LYRM9: variants seen among roughly 807,000 people sequenced by gnomAD.
LYRM9 encodes LYR motif-containing protein 9.
Under a neutral mutation model 12.6 loss-of-function variants are expected in LYRM9, and 14 were observed. The observed-to-expected ratio is 1.11, with a 90% CI of 0.73 to 1.73. The LOEUF (loss-of-function observed/expected upper bound fraction) is 1.73. LYRM9 is among the 40% of genes most tolerant of loss of function. The probability of loss-of-function intolerance (pLI) is 0.00; values close to 1 mark genes in which losing one functional copy is unlikely to be tolerated. For missense variants in LYRM9, 94 were observed against 95.0 expected (o/e 0.99, Z 0.04); for synonymous variants, 42 against 35.1 (o/e 1.20, Z -0.69).
rs1453221531 is a variant in LYRM9, at chr17:27,886,847, TGTTG to T, written c.-18-4139_-18-4136del. On this transcript the variant is annotated intron_variant, in intron 1 of 3. Coordinates refer to ENST00000379102, the MANE Select transcript of LYRM9 (RefSeq NM_001076680.3). This position sits in a 1 kb window ranked among gnomAD's most constrained non-coding sequence, Gnocchi z 4.8. The stretch of plus-strand genomic sequence containing the variant: ...TTTTAGTAGAGATGGGGTTTCTCCC[TGTTG>T]GTCAGGCTGGTCTCAAACTCCCGAC... Among the ~76,000 whole-genome samples the T allele has an allele frequency of 6.6e-6, 1 of 151,952 alleles. No individual in the cohort carries two copies. Among genetic ancestry groups the T allele is most frequent in the Admixed American group, 6.6e-5 (1 of 15,238 alleles).
chr17:27,882,955 T>C (rs1170917672), intron 1 of LYRM9: 1 of 596,400 alleles, frequency 1.7e-6, no homozygotes, highest in African/African-American at 1.8e-5. Flanking sequence ...ATCCCTGGCG[T>C]CTTCTTTCTG....
In LYRM9 at chr17:27,882,577, C is replaced by G. The variant is rs767095145; in HGVS notation, c.118G>C (p.Val40Leu). ...GTAGAGCCAGCTCGCACCTGCCTGA[C>G]AGCATGCTTGTAATGCTGCTGGATG... ...KGIQQHYKHA[V>L]RQSFRVHSDE... Residue 40 changes from valine (V) to leucine (L), a missense_variant, in exon 2 of 4, where the codon GTC becomes CTC. Val to Leu is a conservative substitution (Grantham distance 32). Transcript: ENST00000379102. 110 of 1,591,100 alleles carry G rather than the reference C, an allele frequency of 6.9e-5. 1 individual carries two copies. The highest frequency in any genetic ancestry group is 9.1e-5 in the Non-Finnish European group (106 of 1,169,844).
intron 1 of LYRM9, among the ~76,000 whole-genome samples, chr17:27,887,713 G>GGGGT (rs1485417792): frequency 0.014 from 1,198 of 86,810 alleles, 11 homozygotes; most frequent in Non-Finnish European, 0.016. Flanking sequence ...TAGGAGGGAG[G>GGGGT]GTGTGTGTGT....
At chr17:27,892,311 T>C in intron 1 of LYRM9, 1 of 422,452 alleles carries the variant, frequency 2.4e-6, no homozygotes, top group South Asian at 1.7e-5. Context: ...GAAACTATAC[T>C]GTATTAGTTC....
chr17:27,880,853 C>T (rs1905027574), intron 2 of LYRM9: 4 of 163,192 alleles, frequency 2.5e-5, no homozygotes, highest in Admixed American at 2.4e-4. Flanking sequence ...TCAGGAAATC[C>T]ACCCAGGCCC....
chr17:27,890,453 A>G (rs946365171), intron 1 of LYRM9, among the ~76,000 whole-genome samples: 3 of 152,238 alleles, frequency 2.0e-5, no homozygotes, highest in Non-Finnish European at 4.4e-5. Context: ...AGATAAAGGA[A>G]AGGAGCAACT....
chr17:27,889,311 CT>C (rs537456506), intron 1 of LYRM9, among the ~76,000 whole-genome samples: 266 of 144,230 alleles, frequency 1.8e-3, no homozygotes, highest in Non-Finnish European at 1.9e-3. Context: ...TTTCTTTTTT[CT>C]TTTTTTTTTT....
chr17:27,879,350 T>C lies in LYRM9; in HGVS notation c.*123A>G. The C allele has an allele frequency of 1.8e-6, 2 of 1,090,778 alleles. No homozygotes were observed. The highest frequency in any genetic ancestry group is 3.1e-4 in the Middle Eastern group (1 of 3,240). The allele number at this position is 1,090,778 out of a possible 1,614,324, so 67.6% of individuals were successfully genotyped here. ...GAGCCTCTGGAGCAAGGTCAGCTTC[T>C]CCCCTGATTTCTGGCTTTCAGCCAA... On this transcript the variant is annotated 3_prime_UTR_variant, in exon 4 of 4. Coordinates refer to ENST00000379102, the MANE Select transcript of LYRM9 (RefSeq NM_001076680.3).
Position 27,886,072 on chromosome 17 carries a change from T to C in LYRM9, c.-18-3360A>G, listed in dbSNP as rs1213221619. Among the ~76,000 whole-genome samples, 1 of 151,946 alleles carries C rather than the reference T, an allele frequency of 6.6e-6. No individual in the cohort carries two copies. The highest frequency in any genetic ancestry group is 1.5e-5 in the Non-Finnish European group (1 of 67,986). On this transcript the variant is annotated intron_variant, in intron 1 of 3. Transcript: ENST00000379102. The surrounding 1 kb of genome is among the most constrained non-coding windows in gnomAD (Gnocchi z 4.8). Reference sequence around the variant, plus strand: ...AACCACAGGAGACATACCACCAAAGTCCCAAACCTGATGGGTAGACTCCAC... The same window carrying C: ...AACCACAGGAGACATACCACCAAAGCCCCAAACCTGATGGGTAGACTCCAC...
At chr17:27,891,487 C>T (rs1404476298) in intron 1 of LYRM9, among the ~76,000 whole-genome samples, 1 of 152,176 alleles carries the variant, frequency 6.6e-6, no homozygotes, top group African/African-American at 2.4e-5. Flanking sequence ...TACATGTTTC[C>T]TACTAACTGT....
At chr17:27,885,394 C>T (rs1292574692) in intron 1 of LYRM9, among the ~76,000 whole-genome samples, 1 of 152,018 alleles carries the variant, frequency 6.6e-6, no homozygotes, top group South Asian at 2.1e-4. Context: ...AGAGCTGAGA[C>T]CCTGAGAAAA....
In LYRM9 at chr17:27,882,687, G is replaced by A. The variant is rs746999967; in HGVS notation, c.8C>T (p.Pro3Leu). 24 of 1,601,536 alleles carry A rather than the reference G, an allele frequency of 1.5e-5. No homozygotes were observed. The highest frequency in any genetic ancestry group is 4.5e-5 in the South Asian group (4 of 88,622). Residue 3 changes from proline (P) to leucine (L), a missense_variant, in exon 2 of 4, where the codon CCG becomes CTG. Pro to Leu is a moderately conservative substitution (Grantham distance 98). Coordinates refer to ENST00000379102, the MANE Select transcript of LYRM9 (RefSeq NM_001076680.3). MA[P>L]LPGAELVRRP... The stretch of plus-strand genomic sequence containing the variant: ...CCGAACCAGTTCTGCTCCTGGCAGC[G>A]GGGCCATCCGTGAGACCCTCTGTCC...
Position 27,879,510 on chromosome 17 carries a change from GA to G in LYRM9, c.220-21del. ...TTTATACTGCAAGACAGAGAGATTCGAAGTGGAGGAGGGAAGCCAACAGGGG... is the reference window on the plus strand; with the variant it reads ...TTTATACTGCAAGACAGAGAGATTCGAGTGGAGGAGGGAAGCCAACAGGGG... On this transcript the variant is annotated intron_variant, in intron 3 of 3. Transcript: ENST00000379102. 6.4e-7 allele frequency: 1 copy of G among 1,551,884 alleles called. No homozygotes were observed. The highest frequency in any genetic ancestry group is 1.2e-5 in the South Asian group (1 of 84,028).
intron 1 of LYRM9, among the ~76,000 whole-genome samples, chr17:27,890,834 T>C (rs1905414799): frequency 6.6e-6 from 1 of 152,186 alleles, no homozygotes; most frequent in African/African-American, 2.4e-5. Context: ...AAAATAGGAA[T>C]GGAGTGGTTT....
Position 27,888,346 on chromosome 17 carries a change from C to T in LYRM9, c.-19+4971G>A, listed in dbSNP as rs574106145. On this transcript the variant is annotated intron_variant, in intron 1 of 3. Coordinates refer to ENST00000379102, the MANE Select transcript of LYRM9 (RefSeq NM_001076680.3). ...CTCTAGGTCAGGCCTCTAGTTCAGG[C>T]TCTTGCTGGGGTTGCTGGAAGGGTA... Among the ~76,000 whole-genome samples, 24 of 152,318 alleles carry T rather than the reference C, an allele frequency of 1.6e-4. No individual in the cohort carries two copies. In the South Asian group the frequency reaches 5.0e-3, roughly 32 times the overall value.
chr17:27,885,763 G>A (rs1390035302), intron 1 of LYRM9, among the ~76,000 whole-genome samples: 1 of 149,212 alleles, frequency 6.7e-6, no homozygotes, highest in Non-Finnish European at 1.5e-5. Context: ...CTACCTGAAG[G>A]AAGTCCTTCC....
intron 1 of LYRM9, among the ~76,000 whole-genome samples, chr17:27,887,214 G>C (rs935646629): frequency 6.6e-6 from 1 of 152,072 alleles, no homozygotes; most frequent in African/African-American, 2.4e-5. Context: ...ATCATTCATG[G>C]CAACTTTTCC....
At chr17:27,884,143 T>A (rs1221329745) in intron 1 of LYRM9, among the ~76,000 whole-genome samples, 1 of 150,238 alleles carries the variant, frequency 6.7e-6, no homozygotes, top group Admixed American at 6.7e-5. Flanking sequence ...AGAACCCACA[T>A]TCTTCTCTGT....
intron 2 of LYRM9, 62 bp downstream of exon 2, chr17:27,882,507 G>C: frequency 6.8e-7 from 1 of 1,477,840 alleles, no homozygotes; most frequent in Non-Finnish European, 9.0e-7. Context: ...CTTGGCCTCT[G>C]ACCTGCGCCC....
Sources: allele counts gnomAD v4.1 joint callset (sites outside exome capture counted in the v4.1 genomes callset), GRCh38; gene constraint gnomAD v4.1.1; non-coding constraint Gnocchi (gnomAD v3.1); transcripts MANE v1.5; gene names NCBI Gene and HGNC (gene_info 2026-07-23, HGNC 2026-07-21).